Variants in SCARA3 observed in about 807,000 individuals in gnomAD.
SCARA3 encodes the protein scavenger receptor class A member 3.
A neutral mutation model predicts 47.0 loss-of-function variants in SCARA3; 39 were observed. That is an observed-to-expected ratio of 0.83 (90% CI 0.64 to 1.08). The LOEUF is 1.08. Among genes scored for constraint, SCARA3 ranks in the 50% least tolerant of loss-of-function variants. The pLI, the probability that SCARA3 is intolerant of heterozygous loss-of-function variation, is 0.00. For missense variants in SCARA3, 724 were observed against 792.3 expected (o/e 0.91, Z 1.04); for synonymous variants, 356 against 334.1 (o/e 1.07, Z -0.71).
intron 5 of SCARA3, 69 bp from the exon 6 acceptor site, chr8:27,670,831 G>A (rs1238851858): frequency 1.5e-6 from 2 of 1,360,312 alleles, no homozygotes; most frequent in Non-Finnish European, 2.0e-6. Context: ...TGCCCGCTCT[G>A]CTCATGGGCG....
the SCARA3 span, among the ~76,000 whole-genome samples, chr8:27,716,658 A>G: frequency 2.0e-5 from 3 of 152,230 alleles, no homozygotes; most frequent in African/African-American, 7.2e-5. Context: ...TTAAAAAGAC[A>G]TCACTTTACA....
At position 27,634,211 on chromosome 8, in the gene SCARA3, AGGGCGGCCTGTCG is replaced by A; in HGVS notation, c.7+8_7+20del. ...CCAGAGGAAGAGACCATGAAAGGTA[AGGGCGGCCTGTCG>A]GGGGCAGCTCCGAGGGGGGCCGCCT... On this transcript the variant is annotated splice_donor_5th_base_variant and intron_variant, in intron 1 of 5. Coordinates refer to ENST00000301904, the MANE Select transcript of SCARA3 (RefSeq NM_016240.3). The A allele has an allele frequency of 7.3e-7, 1 of 1,373,466 alleles. No homozygotes were observed. The highest frequency in any genetic ancestry group is 9.4e-7 in the Non-Finnish European group (1 of 1,064,684). The allele number at this position is 1,373,466 out of a possible 1,614,324, so 85.1% of individuals were successfully genotyped here.
the SCARA3 span, among the ~76,000 whole-genome samples, chr8:27,693,421 A>G: frequency 6.6e-6 from 1 of 152,232 alleles, no homozygotes; most frequent in African/African-American, 2.4e-5. Context: ...TTCATAAGTC[A>G]GGGAACTACA....
the SCARA3 span, among the ~76,000 whole-genome samples, chr8:27,690,386 G>A: frequency 1.3e-5 from 2 of 152,102 alleles, no homozygotes; most frequent in Admixed American, 6.6e-5. Flanking sequence ...CTCTCCTTCT[G>A]TATCTCTCTG....
the SCARA3 span, among the ~76,000 whole-genome samples, chr8:27,707,402 A>T: frequency 2.0e-5 from 3 of 152,314 alleles, no homozygotes; most frequent in South Asian, 4.1e-4. Context: ...TCAGAGAAAT[A>T]TAAGGCCATA....
the SCARA3 span, among the ~76,000 whole-genome samples, chr8:27,717,739 C>T: frequency 4.7e-4 from 72 of 152,128 alleles, no homozygotes; most frequent in African/African-American, 1.5e-3. Context: ...GATACAAGAT[C>T]GCACCACTGC....
downstream of SCARA3, among the ~76,000 whole-genome samples, chr8:27,680,385 A>G (rs1019277641): frequency 1.4e-4 from 21 of 152,162 alleles, no homozygotes; most frequent in African/African-American, 4.8e-4. Context: ...GAACATCACT[A>G]TAGAATCAAC....
At chr8:27,639,858 C>T (rs544372675) in intron 1 of SCARA3, among the ~76,000 whole-genome samples, 1 of 152,196 alleles carries the variant, frequency 6.6e-6, no homozygotes, top group Non-Finnish European at 1.5e-5. Context: ...ACCGCGTTGA[C>T]TGCTGATCAG....
At chr8:27,646,980 CCCG>C (rs1801515585) in intron 1 of SCARA3, among the ~76,000 whole-genome samples, 10 of 113,210 alleles carry the variant, frequency 8.8e-5, no homozygotes, top group African/African-American at 2.6e-4. Flanking sequence ...CCGCCCCCCC[CCCG>C]CACACACACA....
intron 5 of SCARA3, among the ~76,000 whole-genome samples, chr8:27,666,983 C>T (rs1002595934): frequency 2.0e-5 from 3 of 152,170 alleles, no homozygotes; most frequent in Admixed American, 6.5e-5. Flanking sequence ...CAGGGTGTGC[C>T]GGTCCCTCTC....
downstream of SCARA3, among the ~76,000 whole-genome samples, chr8:27,674,392 T>C (rs1358048923): frequency 6.6e-6 from 1 of 152,200 alleles, no homozygotes; most frequent in Non-Finnish European, 1.5e-5. Flanking sequence ...TTCATCACTG[T>C]GGGACCTTAG....
the SCARA3 span, among the ~76,000 whole-genome samples, chr8:27,682,013 AT>A: frequency 6.6e-6 from 1 of 152,184 alleles, no homozygotes; most frequent in Non-Finnish European, 1.5e-5. Flanking sequence ...AAAAGAACCA[AT>A]TTGGAGGACT....
the SCARA3 span, among the ~76,000 whole-genome samples, chr8:27,694,644 G>A: frequency 6.6e-6 from 1 of 152,092 alleles, no homozygotes; most frequent in Non-Finnish European, 1.5e-5. Context: ...GGAGTGTATG[G>A]GAGTAAGAAG....
intron 1 of SCARA3, among the ~76,000 whole-genome samples, chr8:27,639,369 C>T (rs871579): frequency 0.1 from 15,887 of 152,060 alleles, 1,012 homozygotes; most frequent in East Asian, 0.29. Context: ...ATGGGAATCC[C>T]GGGAGAGAAA....
the SCARA3 span, among the ~76,000 whole-genome samples, chr8:27,720,618 CTCCATCCATCCATCCA>C: frequency 2.7e-5 from 4 of 145,484 alleles, no homozygotes; most frequent in Admixed American, 2.1e-4. Context: ...TCCTTTCTAT[CTCCATCCATCCATCCA>C]TCCATCCATC....
downstream of SCARA3, among the ~76,000 whole-genome samples, chr8:27,675,431 GT>G (rs1396754210): frequency 6.6e-6 from 1 of 152,214 alleles, no homozygotes; most frequent in East Asian, 1.9e-4. Context: ...CAGGCCCTTT[GT>G]TTTGCTTGCC....
the SCARA3 span, among the ~76,000 whole-genome samples, chr8:27,684,474 C>A: frequency 6.6e-6 from 1 of 152,194 alleles, no homozygotes; most frequent in African/African-American, 2.4e-5. Context: ...TCACTTGAGG[C>A]CAGAGTTCTA....
intron 1 of SCARA3, among the ~76,000 whole-genome samples, chr8:27,634,427 C>G (rs552620695): frequency 1.2e-4 from 19 of 152,322 alleles, no homozygotes; most frequent in African/African-American, 3.1e-4. Context: ...ACACACCCCC[C>G]CTTGCAGTCC....
At chr8:27,680,578 C>G (rs1043609160), downstream of SCARA3, among the ~76,000 whole-genome samples, 6 of 152,018 alleles carry the variant, frequency 3.9e-5, no homozygotes, top group Non-Finnish European at 8.8e-5. Flanking sequence ...AAGAAAACTC[C>G]AAGTCCAGTT....
Sources: gnomAD v4.1 joint callset for allele counts (sites outside exome capture counted in the v4.1 genomes callset) on GRCh38, gnomAD v4.1.1 for gene constraint, MANE v1.5 for transcripts, NCBI Gene and HGNC (gene_info 2026-07-23, HGNC 2026-07-21) for gene names.